The following ATP6V0C variants were observed in gnomAD, a reference collection of about 807,000 sequenced individuals.
ATP6V0C encodes V-type proton ATPase 16 kDa proteolipid subunit c.
In ATP6V0C, 2 loss-of-function variants were observed where a neutral mutation model predicts 10.6. The observed-to-expected ratio is 0.19, with a 90% CI of 0.08 to 0.59. The LOEUF is 0.59. ATP6V0C is among the 20% of genes least tolerant of loss of function. The pLI, the probability that ATP6V0C is intolerant of heterozygous loss-of-function variation, is 0.90. For missense variants in ATP6V0C, 89 were observed against 225.9 expected, an observed-to-expected ratio of 0.39 and a Z score of 3.88; for synonymous variants, 128 against 101.3, an observed-to-expected ratio of 1.26 and a Z score of -1.59.
At chr16:2,516,153 C>T (rs1041099513) in intron 1 of ATP6V0C, among the ~76,000 whole-genome samples, 2 of 139,460 alleles carry the variant, frequency 1.4e-5, no homozygotes, top group Non-Finnish European at 3.0e-5. Flanking sequence ...TGCTCTGTTT[C>T]CCAGGCTGGA....
At chr16:2,518,656 A>T (rs1178740263) in intron 1 of ATP6V0C, among the ~76,000 whole-genome samples, 1 of 152,126 alleles carries the variant, frequency 6.6e-6, no homozygotes, top group African/African-American at 2.4e-5. Context: ...CTAGGTTAAT[A>T]TTTGGGGCTG....
In ATP6V0C at chr16:2,519,195, C is replaced by T. The variant is rs537621593; in HGVS notation, c.80-23C>T. 6.6e-5 allele frequency: 105 copies of T among 1,595,044 alleles called. 1 individual carries two copies. The highest frequency in any genetic ancestry group is 8.1e-5 in the Non-Finnish European group (95 of 1,169,884). ...CAACTGGCCTGCGTACTGCTGTGGG[C>T]TCACCCCGCCTTCCTCCCACAGCCC... On this transcript the variant is annotated intron_variant, in intron 1 of 2. Transcript: ENST00000330398.
At chr16:2,514,797 G>C (rs1019120955) in intron 1 of ATP6V0C, among the ~76,000 whole-genome samples, 1 of 152,220 alleles carries the variant, frequency 6.6e-6, no homozygotes, top group Non-Finnish European at 1.5e-5. Flanking sequence ...TGTGTGGGCT[G>C]TTTGGGAAAG....
chr16:2,515,181 A>G (rs758600245), intron 1 of ATP6V0C, among the ~76,000 whole-genome samples: 5 of 152,118 alleles, frequency 3.3e-5, no homozygotes, highest in African/African-American at 7.2e-5. Flanking sequence ...TTTAGTGACA[A>G]TTGGTCTCCC....
chr16:2,514,001 C>G lies in ATP6V0C; in HGVS notation c.-103C>G. On this transcript the variant is annotated 5_prime_UTR_variant, in exon 1 of 3. Transcript: ENST00000330398. Reference sequence around the variant, plus strand: ...CGCAGCGGCTGACGGGCCGGATCGCCTTCGCCGCCGCCCGCCCGCAAACCT... The same window carrying G: ...CGCAGCGGCTGACGGGCCGGATCGCGTTCGCCGCCGCCCGCCCGCAAACCT... 1 of 1,114,134 alleles carries G rather than the reference C, an allele frequency of 9.0e-7. No individual in the cohort carries two copies. Among genetic ancestry groups the G allele is most frequent in the East Asian group, 3.0e-5 (1 of 33,874 alleles). 69.0% of individuals were successfully genotyped at this position (1,114,134 alleles called of 1,614,324 possible).
Position 2,513,991 on chromosome 16 carries a change from GC to G in ATP6V0C, c.-111del. ...GTATTTAGAGCGCAGCGGCTGACGG[GC>G]CGGATCGCCTTCGCCGCCGCCCGCC... On this transcript the variant is annotated 5_prime_UTR_variant, in exon 1 of 3. Coordinates refer to ENST00000330398, the MANE Select transcript of ATP6V0C (RefSeq NM_001694.4). 1.1e-6 allele frequency: 1 copy of G among 941,010 alleles called. No individual in the cohort carries two copies. The highest frequency in any genetic ancestry group is 1.6e-6 in the Non-Finnish European group (1 of 637,984). 58.3% of individuals were successfully genotyped at this position (941,010 alleles called of 1,614,324 possible). A position where few individuals can be genotyped will look rare whatever the true frequency, so the allele number is the denominator to read the frequency against.
Position 2,514,114 on chromosome 16 carries a change from C to T in ATP6V0C, c.11C>T (p.Ser4Phe). MSE[S>F]KSGPEYASFF... Reference sequence around the variant, plus strand: ...TCCCCACCCGCAGACATGTCCGAGTCCAAGAGCGGCCCCGAGTATGCTTCG... The same window carrying T: ...TCCCCACCCGCAGACATGTCCGAGTTCAAGAGCGGCCCCGAGTATGCTTCG... The change falls in exon 1 of 3, where the codon TCC becomes TTC. Residue 4 changes from serine (S) to phenylalanine (F), a missense_variant. Physicochemically the swap from Ser to Phe is radical, Grantham distance 155. Transcript: ENST00000330398. 6.3e-7 allele frequency: 1 copy of T among 1,583,622 alleles called. No homozygotes were observed. Among genetic ancestry groups the T allele is most frequent in the Admixed American group, 1.7e-5 (1 of 57,598 alleles).
chr16:2,515,588 A>G (rs1304109509), intron 1 of ATP6V0C, among the ~76,000 whole-genome samples: 5 of 152,230 alleles, frequency 3.3e-5, no homozygotes, highest in African/African-American at 1.2e-4. Flanking sequence ...CCTTCCCCCT[A>G]GGCACCGCCT....
intron 1 of ATP6V0C, among the ~76,000 whole-genome samples, chr16:2,515,924 C>G (rs1776493927): frequency 6.6e-6 from 1 of 152,076 alleles, no homozygotes; most frequent in African/African-American, 2.4e-5. Flanking sequence ...CTCTCTCCGT[C>G]AAGACCTACA....
At chr16:2,516,180 A>C (rs928828298) in intron 1 of ATP6V0C, among the ~76,000 whole-genome samples, 1 of 141,114 alleles carries the variant, frequency 7.1e-6, no homozygotes, top group Non-Finnish European at 1.5e-5. Context: ...TGGTGTGGTC[A>C]TGGCTCACTA....
At chr16:2,516,210 T>C (rs1463779943) in intron 1 of ATP6V0C, among the ~76,000 whole-genome samples, 1 of 148,338 alleles carries the variant, frequency 6.7e-6, no homozygotes, top group Admixed American at 6.9e-5. Context: ...CCTCCCAGGC[T>C]CAAGCAATCC....
rs1289110008 is a variant in ATP6V0C at position 2,519,530 on chromosome 16, C to T, written c.264-11C>T. 1.3e-6 allele frequency: 2 copies of T among 1,544,128 alleles called. No individual in the cohort carries two copies. Among genetic ancestry groups the T allele is most frequent in the African/African-American group, 1.4e-5 (1 of 73,220 alleles). The stretch of plus-strand genomic sequence containing the variant: ...AGGCTGCTGATGTCAGTCCTCTCTT[C>T]TCGCCCCCAGGAGCTTCCTCCAGCT... On this transcript the variant is annotated splice_polypyrimidine_tract_variant and intron_variant, in intron 2 of 2. Coordinates refer to ENST00000330398, the MANE Select transcript of ATP6V0C (RefSeq NM_001694.4).
At position 2,513,995 on chromosome 16, in the gene ATP6V0C, G is replaced by C; in HGVS notation, c.-109G>C. The C allele has an allele frequency of 1.0e-6, 1 of 990,772 alleles. No homozygotes were observed. 61.4% of individuals were successfully genotyped at this position (990,772 alleles called of 1,614,324 possible). ...TTAGAGCGCAGCGGCTGACGGGCCG[G>C]ATCGCCTTCGCCGCCGCCCGCCCGC... On this transcript the variant is annotated 5_prime_UTR_variant, in exon 1 of 3. Coordinates refer to ENST00000330398, the MANE Select transcript of ATP6V0C (RefSeq NM_001694.4).
chr16:2,514,944 G>A (rs2141889282), intron 1 of ATP6V0C, among the ~76,000 whole-genome samples: 1 of 152,310 alleles, frequency 6.6e-6, no homozygotes, highest in Middle Eastern at 3.4e-3. Flanking sequence ...TGAGGTGGGT[G>A]AGAGGGTGGC....
rs376971724 is a variant in ATP6V0C at position 2,519,505 on chromosome 16, A to G, written c.264-36A>G. The G allele has an allele frequency of 2.4e-4, 364 of 1,542,980 alleles. 1 individual carries two copies. The African/African-American group carries it at 3.9e-3, about 16-fold the overall frequency. ...GGACCCTTGTCTCCCCCTGGTTGGC[A>G]GGCTGCTGATGTCAGTCCTCTCTTC... On this transcript the variant is annotated intron_variant, in intron 2 of 2. Coordinates refer to ENST00000330398, the MANE Select transcript of ATP6V0C (RefSeq NM_001694.4).
At chr16:2,519,172 A>G (rs747767376) in intron 1 of ATP6V0C, 46 bp from the exon 2 acceptor site, 4 of 1,549,998 alleles carry the variant, frequency 2.6e-6, no homozygotes, top group East Asian at 2.3e-5. Flanking sequence ...CCTAGTCTCA[A>G]CTGGCCTGCG....
At position 2,519,390 on chromosome 16, in the gene ATP6V0C, C is replaced by T; in HGVS notation, c.252C>T (p.Ile84=). 1.9e-6 allele frequency: 3 copies of T among 1,613,150 alleles called. No homozygotes were observed. The highest frequency in any genetic ancestry group is 2.5e-6 in the Non-Finnish European group (3 of 1,179,318). Residue 84 remains isoleucine (I), a synonymous_variant, in exon 2 of 3, where the codon ATC becomes ATT. Coordinates refer to ENST00000330398, the MANE Select transcript of ATP6V0C (RefSeq NM_001694.4). The part of the protein sequence containing the change: ...VLIANSLNDD[I]SLYKSFLQLG... ...TCGCCAACTCCCTGAATGACGACAT[C>T]AGCCTCTACAAGTGAGCACTGGGGT...
Position 2,519,780 on chromosome 16 carries a change from G to C in ATP6V0C, c.*35G>C. ...GAGCCCACCAGCCACAGAATATTAT[G>C]TAAAGACCACCCCTCCTCATTCCAG... is the stretch of plus-strand genomic sequence containing the variant. On this transcript the variant is annotated 3_prime_UTR_variant, in exon 3 of 3. Coordinates refer to ENST00000330398, the MANE Select transcript of ATP6V0C (RefSeq NM_001694.4). 1.3e-6 allele frequency: 2 copies of C among 1,583,088 alleles called. No individual in the cohort carries two copies. The highest frequency in any genetic ancestry group is 4.5e-5 in the East Asian group (2 of 44,188).
chr16:2,516,622 C>G (rs925728485), intron 1 of ATP6V0C: 1 of 152,504 alleles, frequency 6.6e-6, no homozygotes, highest in Non-Finnish European at 1.5e-5. Context: ...AAACCTCTTG[C>G]AGGCCCCCGT....
Sources: allele counts gnomAD v4.1 joint callset (sites outside exome capture counted in the v4.1 genomes callset), GRCh38; gene constraint gnomAD v4.1.1; transcripts MANE v1.5; gene names NCBI Gene and HGNC (gene_info 2026-07-23, HGNC 2026-07-21).